The following SPACA9 variants were observed in gnomAD, a reference collection of about 807,000 sequenced individuals.
The protein encoded by SPACA9 is sperm acrosome-associated protein 9.
In SPACA9, 14 loss-of-function variants were observed where a neutral mutation model predicts 12.5. The ratio of observed to expected loss-of-function variants is 1.12; its 90% CI spans 0.74 to 1.75. The LOEUF is 1.75. Among genes scored for constraint, SPACA9 ranks in the 40% most tolerant of loss-of-function variants. The probability of loss-of-function intolerance (pLI) is 0.00; values close to 1 mark genes in which losing one functional copy is unlikely to be tolerated. For missense variants in SPACA9, 292 were observed against 291.9 expected (o/e 1.00, Z 0.00); for synonymous variants, 111 against 114.1 (o/e 0.97, Z 0.17).
intron 2 of SPACA9, among the ~76,000 whole-genome samples, chr9:132,886,332 C>T (rs1028173942): frequency 6.6e-6 from 1 of 152,238 alleles, no homozygotes; most frequent in Non-Finnish European, 1.5e-5. Context: ...GCTCCACTTA[C>T]TGGCCTGCCC....
In SPACA9 at chr9:132,888,775, CTTTT is replaced by C. The variant is rs146375638; in HGVS notation, c.*171_*174del. On this transcript the variant is annotated 3_prime_UTR_variant, in exon 4 of 4. Coordinates refer to ENST00000356311, the MANE Select transcript of SPACA9 (RefSeq NM_001316897.2). The surrounding 1 kb of genome is among the most constrained non-coding windows in gnomAD (Gnocchi z 5.0). ...CCTCTCTCTCTTCTTGCTTTAACTT[CTTTT>C]TTTTTTGAGACGGAGTCTCGCTCTG... The C allele has an allele frequency of 4.8e-5, 61 of 1,269,886 alleles. No homozygotes were observed. The highest frequency in any genetic ancestry group is 1.0e-4 in the Admixed American group (3 of 28,604). The allele number at this position is 1,269,886 out of a possible 1,614,324, so 78.7% of individuals were successfully genotyped here.
intron 2 of SPACA9, among the ~76,000 whole-genome samples, chr9:132,886,658 C>T (rs1844573496): frequency 6.6e-6 from 1 of 152,114 alleles, no homozygotes; most frequent in East Asian, 1.9e-4. Flanking sequence ...TGGTACTGAT[C>T]TGTAAAATGG....
In SPACA9 at chr9:132,888,783, T is replaced by C. The variant is rs1452795003; in HGVS notation, c.*172T>C. The C allele has an allele frequency of 7.2e-6, 10 of 1,394,804 alleles. No individual in the cohort carries two copies. Among genetic ancestry groups the C allele is most frequent in the Non-Finnish European group, 8.4e-6 (9 of 1,077,192 alleles). The allele number at this position is 1,394,804 out of a possible 1,614,324, so 86.4% of individuals were successfully genotyped here. On this transcript the variant is annotated 3_prime_UTR_variant, in exon 4 of 4. Coordinates refer to ENST00000356311, the MANE Select transcript of SPACA9 (RefSeq NM_001316897.2). This position sits in a 1 kb window ranked among gnomAD's most constrained non-coding sequence, Gnocchi z 5.0. ...TCTTCTTGCTTTAACTTCTTTTTTT[T>C]TTGAGACGGAGTCTCGCTCTGTCGC...
chr9:132,880,822 C>CT lies in SPACA9; in HGVS notation c.-38+1826dup, dbSNP rs900840677. On this transcript the variant is annotated intron_variant, in intron 1 of 3. Transcript: ENST00000356311. ...CCTCAGTATGGCAAGGTGCAGCTAT[C>CT]TTTTTTTTTTTTTTTTTTGAGATGG... Among the ~76,000 whole-genome samples, 1,230 of 137,724 alleles carry CT rather than the reference C, an allele frequency of 8.9e-3. 14 individuals are homozygous for CT. Among genetic ancestry groups the CT allele is most frequent in the African/African-American group, 0.021 (798 of 37,526 alleles). 90.4% of individuals were successfully genotyped at this position (137,724 alleles called of 152,430 possible).
chr9:132,884,119 G>A (rs777619966), intron 2 of SPACA9, 28 bp downstream of exon 2: 15 of 1,605,392 alleles, frequency 9.3e-6, no homozygotes, highest in Middle Eastern at 1.7e-4. Flanking sequence ...CACCCCGGCC[G>A]AGGGGCAACA....
chr9:132,881,669 T>G (rs1001818163), intron 1 of SPACA9, among the ~76,000 whole-genome samples: 1 of 151,660 alleles, frequency 6.6e-6, no homozygotes, highest in Non-Finnish European at 1.5e-5. Flanking sequence ...AAGATGCTTT[T>G]TTTTTTTTTT....
At chr9:132,879,183 G>A (rs913470157) in intron 1 of SPACA9, among the ~76,000 whole-genome samples, 169 bp downstream of exon 1, 1 of 152,252 alleles carries the variant, frequency 6.6e-6, no homozygotes, top group African/African-American at 2.4e-5. Flanking sequence ...TGGAGACGGA[G>A]CTTTTTAAGT....
upstream of SPACA9, chr9:132,878,408 C>T: frequency 3.2e-6 from 4 of 1,238,516 alleles, no homozygotes; most frequent in Non-Finnish European, 4.1e-6. The surrounding 1 kb of genome is among the most constrained non-coding windows in gnomAD (Gnocchi z 4.7). Flanking sequence ...CCGCCCCGAC[C>T]TCCCCGGCTG....
Position 132,887,317 on chromosome 9 carries a change from G to T in SPACA9, c.145-52G>T. ...TTCTGGACATTTGCACCATAAGCCA[G>T]CCAGGACCCGGGTTGGCATGTCCCC... On this transcript the variant is annotated intron_variant, in intron 2 of 3. Transcript: ENST00000356311. The surrounding 1 kb of genome is among the most constrained non-coding windows in gnomAD (Gnocchi z 5.4). 2 of 1,553,550 alleles carry T rather than the reference G, an allele frequency of 1.3e-6. No individual in the cohort carries two copies. Among genetic ancestry groups the T allele is most frequent in the South Asian group, 2.2e-5 (2 of 89,566 alleles).
intron 1 of SPACA9, among the ~76,000 whole-genome samples, chr9:132,881,970 C>T (rs1335415768): frequency 6.6e-6 from 1 of 152,230 alleles, no homozygotes; most frequent in Non-Finnish European, 1.5e-5. Flanking sequence ...CGTGAGTCAG[C>T]ATGTCTGCTC....
intron 1 of SPACA9, among the ~76,000 whole-genome samples, chr9:132,882,030 AC>A (rs377403914): frequency 4.6e-5 from 7 of 151,740 alleles, no homozygotes; most frequent in African/African-American, 1.7e-4. Flanking sequence ...TAAACCATGG[AC>A]CCCCCATCTC....
At position 132,888,608 on chromosome 9, in the gene SPACA9, G is replaced by T; in HGVS notation, c.666G>T (p.Leu222Phe). ...KPPWRPPGGK[L>F] The stretch of plus-strand genomic sequence containing the variant: ...CCTGGAGGCCTCCTGGTGGGAAATT[G>T]TAACTCAGAGCCAGGAGCTCCGTCG... Residue 222 changes from leucine (L) to phenylalanine (F), a missense_variant, in exon 4 of 4, where the codon TTG becomes TTT. Coordinates refer to ENST00000356311, the MANE Select transcript of SPACA9 (RefSeq NM_001316897.2). The surrounding 1 kb of genome is among the most constrained non-coding windows in gnomAD (Gnocchi z 5.0). 6.5e-7 allele frequency: 1 copy of T among 1,528,668 alleles called. No individual in the cohort carries two copies. The highest frequency in any genetic ancestry group is 1.2e-5 in the South Asian group (1 of 81,928). The allele number at this position is 1,528,668 out of a possible 1,614,324, so 94.7% of individuals were successfully genotyped here. A position where few individuals can be genotyped will look rare whatever the true frequency, so the allele number is the denominator to read the frequency against.
Position 132,888,144 on chromosome 9 carries a change from C to G in SPACA9, c.348-146C>G. ...CCCCAGGCCTGGTCTGCCAGAATCT[C>G]TGGGGACAGAGCGCCTCAGCGTGCT... On this transcript the variant is annotated intron_variant, in intron 3 of 3. Transcript: ENST00000356311. This position sits in a 1 kb window ranked among gnomAD's most constrained non-coding sequence, Gnocchi z 5.0. The G allele has an allele frequency of 7.4e-7, 1 of 1,355,500 alleles. No individual in the cohort carries two copies. The highest frequency in any genetic ancestry group is 1.5e-5 in the African/African-American group (1 of 68,496). 84.0% of individuals were successfully genotyped at this position (1,355,500 alleles called of 1,614,324 possible). A position where few individuals can be genotyped will look rare whatever the true frequency, so the allele number is the denominator to read the frequency against.
At chr9:132,883,779 T>C in intron 1 of SPACA9, 132 bp from the exon 2 acceptor site, 2 of 661,410 alleles carry the variant, frequency 3.0e-6, no homozygotes, top group Non-Finnish European at 2.6e-6. Context: ...CTTTCTTCTG[T>C]GGGGAGGCAC....
At chr9:132,879,118 G>C (rs1844295290) in intron 1 of SPACA9, 104 bp downstream of exon 1, 1 of 152,334 alleles carries the variant, frequency 6.6e-6, no homozygotes, top group African/African-American at 2.4e-5. Flanking sequence ...GGGGTCCGGA[G>C]GATGGAGGGG....
At chr9:132,880,726 A>G (rs113027879) in intron 1 of SPACA9, among the ~76,000 whole-genome samples, 1 of 152,160 alleles carries the variant, frequency 6.6e-6, no homozygotes, top group African/African-American at 2.4e-5. Flanking sequence ...CCTAAAATCC[A>G]TTTAGAATAA....
Position 132,888,480 on chromosome 9 carries a change from G to A in SPACA9, c.538G>A (p.Ala180Thr), listed in dbSNP as rs372809685. 15 of 1,607,660 alleles carry A rather than the reference G, an allele frequency of 9.3e-6. No individual in the cohort carries two copies. Among genetic ancestry groups the A allele is most frequent in the African/African-American group, 6.7e-5 (5 of 74,726 alleles). The change falls in exon 4 of 4, where the codon GCT becomes ACT. Residue 180 changes from alanine to threonine, a missense_variant. Transcript: ENST00000356311. This position sits in a 1 kb window ranked among gnomAD's most constrained non-coding sequence, Gnocchi z 5.0. ...GCACCAGGAGAGCACCAGGGGAGCC[G>A]CTCGTCCTGCCCAGGCCATAGGGAC... ...QAHQESTRGA[A>T]RPAQAIGTQP...
At chr9:132,885,466 T>A (rs887944881) in intron 2 of SPACA9, among the ~76,000 whole-genome samples, 2 of 135,238 alleles carry the variant, frequency 1.5e-5, no homozygotes, top group African/African-American at 5.7e-5. Context: ...TGAGCCGAGA[T>A]CGCACCACTG....
upstream of SPACA9, chr9:132,878,444 C>G: frequency 8.1e-7 from 1 of 1,228,582 alleles, no homozygotes; most frequent in Non-Finnish European, 1.0e-6. This position sits in a 1 kb window ranked among gnomAD's most constrained non-coding sequence, Gnocchi z 4.7. Flanking sequence ...CGGGCAAGTT[C>G]TTTCCCCAAC....
Sources: gnomAD v4.1 joint callset for allele counts (sites outside exome capture counted in the v4.1 genomes callset) on GRCh38, gnomAD v4.1.1 for gene constraint, Gnocchi (gnomAD v3.1) non-coding constraint, MANE v1.5 for transcripts, NCBI Gene and HGNC (gene_info 2026-07-23, HGNC 2026-07-21) for gene names.